GPM6A: variants seen among roughly 807,000 people sequenced by gnomAD.
The protein encoded by GPM6A is neuronal membrane glycoprotein M6-a.
A neutral mutation model predicts 32.1 loss-of-function variants in GPM6A; 7 were observed. The ratio of observed to expected loss-of-function variants is 0.22; its 90% CI spans 0.12 to 0.41. GPM6A has a LOEUF of 0.41. Among genes scored for constraint, GPM6A ranks in the 10% least tolerant of loss-of-function variants. The probability of loss-of-function intolerance (pLI) is 1.00; values close to 1 mark genes in which losing one functional copy is unlikely to be tolerated. For missense variants in GPM6A, 235 were observed against 347.2 expected (o/e 0.68, Z 2.57); for synonymous variants, 130 against 123.4 (o/e 1.05, Z -0.35).
intron 1 of GPM6A, among the ~76,000 whole-genome samples, chr4:175,777,672 C>A (rs1733449737): frequency 6.6e-6 from 1 of 151,844 alleles, no homozygotes; most frequent in South Asian, 2.1e-4. Flanking sequence ...CACACCAAAT[C>A]CTAAACATAA....
intron 1 of GPM6A, among the ~76,000 whole-genome samples, chr4:175,780,997 T>A (rs1560929589): frequency 2.0e-5 from 3 of 151,846 alleles, no homozygotes; most frequent in Non-Finnish European, 4.4e-5. Context: ...AAGTATATGA[T>A]CCATCAATTA....
At chr4:175,792,547 C>T (rs575509669) in intron 1 of GPM6A, among the ~76,000 whole-genome samples, 15 of 151,960 alleles carry the variant, frequency 9.9e-5, no homozygotes, top group South Asian at 2.1e-4. Context: ...TTGAGAATGG[C>T]GTTATTTTTC....
At chr4:175,880,459 T>C (rs1737235401) in intron 1 of GPM6A, among the ~76,000 whole-genome samples, 1 of 152,212 alleles carries the variant, frequency 6.6e-6, no homozygotes. Flanking sequence ...TGGCATTGAA[T>C]CTATAAATTA....
intron 1 of GPM6A, among the ~76,000 whole-genome samples, chr4:175,735,282 G>C (rs1731611146): frequency 6.6e-6 from 1 of 152,054 alleles, no homozygotes; most frequent in South Asian, 2.1e-4. Flanking sequence ...TTAAAATCCT[G>C]GCGTCATATA....
intron 1 of GPM6A, among the ~76,000 whole-genome samples, chr4:175,988,835 G>A (rs1170854490): frequency 6.6e-6 from 1 of 152,038 alleles, no homozygotes; most frequent in Non-Finnish European, 1.5e-5. Flanking sequence ...TAGCGTGAGG[G>A]GCAGGCTCAT....
intron 2 of GPM6A, among the ~76,000 whole-genome samples, chr4:175,681,765 ATGCTTCC>A: frequency 6.6e-6 from 1 of 152,264 alleles, no homozygotes; most frequent in African/African-American, 2.4e-5. Context: ...TGCCAGCACC[ATGCTTCC>A]TGTAAAACCT....
intron 3 of GPM6A, among the ~76,000 whole-genome samples, chr4:175,658,130 T>G (rs1742191795): frequency 6.6e-6 from 1 of 152,180 alleles, no homozygotes; most frequent in African/African-American, 2.4e-5. Context: ...TTATAACAAC[T>G]TTATTCAAAA....
At chr4:175,917,578 T>C (rs932935296) in intron 1 of GPM6A, among the ~76,000 whole-genome samples, 2 of 152,158 alleles carry the variant, frequency 1.3e-5, no homozygotes, top group African/African-American at 4.8e-5. Flanking sequence ...CATAGTAGTG[T>C]GGGCGGCTAT....
At chr4:175,946,707 G>A (rs578060221) in intron 1 of GPM6A, among the ~76,000 whole-genome samples, 67 of 152,234 alleles carry the variant, frequency 4.4e-4, no homozygotes, top group African/African-American at 1.4e-3. Flanking sequence ...TGTGGGCAAG[G>A]GCAGGGCAGG....
chr4:175,942,904 C>A (rs1465499187), intron 1 of GPM6A, among the ~76,000 whole-genome samples: 3 of 151,182 alleles, frequency 2.0e-5, no homozygotes, highest in African/African-American at 7.3e-5. Context: ...GTTTTTTTTT[C>A]TAATTCTGTG....
At chr4:175,960,027 AG>A (rs1740116782) in intron 1 of GPM6A, among the ~76,000 whole-genome samples, 12 of 152,208 alleles carry the variant, frequency 7.9e-5, no homozygotes, top group Admixed American at 7.9e-4. Context: ...AGGCACAAAG[AG>A]GTTAAGTAAA....
chr4:175,998,256 C>T (rs143938715), intron 1 of GPM6A, among the ~76,000 whole-genome samples: 32 of 151,964 alleles, frequency 2.1e-4, no homozygotes, highest in African/African-American at 7.2e-4. Flanking sequence ...TGGGTTCAAG[C>T]GATTCTCGTG....
At chr4:175,655,100 T>G (rs1742009604) in intron 3 of GPM6A, among the ~76,000 whole-genome samples, 1 of 152,144 alleles carries the variant, frequency 6.6e-6, no homozygotes, top group Non-Finnish European at 1.5e-5. Context: ...ACCACAGGAC[T>G]GCCTTACATC....
At chr4:175,942,440 A>T (rs1394898979) in intron 1 of GPM6A, among the ~76,000 whole-genome samples, 1 of 152,200 alleles carries the variant, frequency 6.6e-6, no homozygotes, top group African/African-American at 2.4e-5. Context: ...TTTAGTCATG[A>T]AGTATTTGCC....
chr4:175,856,631 G>A (rs1736425816), intron 1 of GPM6A, among the ~76,000 whole-genome samples: 1 of 152,172 alleles, frequency 6.6e-6, no homozygotes, highest in African/African-American at 2.4e-5. Flanking sequence ...GGAAGAATCA[G>A]GTTACATGAA....
chr4:175,957,660 T>C (rs1445405435), intron 1 of GPM6A, among the ~76,000 whole-genome samples: 1 of 152,180 alleles, frequency 6.6e-6, no homozygotes, highest in East Asian at 1.9e-4. Flanking sequence ...CGTGTATACC[T>C]ATGTAACAAA....
intron 1 of GPM6A, among the ~76,000 whole-genome samples, chr4:175,757,586 A>C (rs1433604959): frequency 6.6e-6 from 1 of 152,212 alleles, no homozygotes; most frequent in African/African-American, 2.4e-5. Context: ...GACTAGGTTC[A>C]AAATGAATGT....
At chr4:175,688,601 G>A (rs1171293753) in intron 2 of GPM6A, among the ~76,000 whole-genome samples, 5 of 151,822 alleles carry the variant, frequency 3.3e-5, no homozygotes, top group Non-Finnish European at 7.4e-5. Context: ...ACAGTAGAGT[G>A]ACTATAGTTA....
intron 1 of GPM6A, among the ~76,000 whole-genome samples, chr4:175,726,261 A>T (rs1166924912): frequency 2.0e-5 from 3 of 152,002 alleles, no homozygotes; most frequent in Non-Finnish European, 2.9e-5. Flanking sequence ...GGCCTCCCAA[A>T]GTGCTGGGAT....
Sources: allele counts gnomAD v4.1 joint callset (sites outside exome capture counted in the v4.1 genomes callset), GRCh38; gene constraint gnomAD v4.1.1; transcripts MANE v1.5; gene names NCBI Gene and HGNC (gene_info 2026-07-23, HGNC 2026-07-21).